The following LRP1B variants were observed in gnomAD, a reference collection of about 807,000 sequenced individuals.
LRP1B encodes the protein LDL receptor related protein 1B.
Under a neutral mutation model 556.6 loss-of-function variants are expected in LRP1B, and 217 were observed. That is an observed-to-expected ratio of 0.39 (90% confidence interval 0.35 to 0.44). The LOEUF (loss-of-function observed/expected upper bound fraction) is 0.44, where lower values mean the gene tolerates loss of function less well. Among genes scored for constraint, LRP1B ranks in the 20% least tolerant of loss-of-function variants. The probability of loss-of-function intolerance (pLI) is 1.00; values close to 1 mark genes in which losing one functional copy is unlikely to be tolerated. For synonymous variants in LRP1B, 2,047 were observed against 1,865.8 expected, an observed-to-expected ratio of 1.10 and a Z score of -2.50; for missense variants, 5,053 against 5,620.8, an observed-to-expected ratio of 0.90 and a Z score of 3.23.
intron 1 of LRP1B, among the ~76,000 whole-genome samples, chr2:142,092,652 T>TG (rs566167395): frequency 0.058 from 8,768 of 150,394 alleles, 292 homozygotes; most frequent in Middle Eastern, 0.093. Flanking sequence ...GTGTGTGTGT[T>TG]TTTGTATGGG....
chr2:140,840,794 CT>C (rs751997628), intron 30 of LRP1B, 123 bp downstream of exon 30: 690 of 645,360 alleles, frequency 1.1e-3, no homozygotes, highest in South Asian at 2.0e-3. Context: ...TCCATATTTA[CT>C]TTTTTTTTAA....
At chr2:141,471,279 T>TG (rs79252041) in intron 3 of LRP1B, among the ~76,000 whole-genome samples, 63,293 of 134,660 alleles carry the variant, frequency 0.47, 14,324 homozygotes, top group Non-Finnish European at 0.51. Flanking sequence ...TTTTTTTTTT[T>TG]TTTTTTTTTT....
chr2:141,911,064 A>G (rs961759798), intron 1 of LRP1B, among the ~76,000 whole-genome samples: 1 of 152,102 alleles, frequency 6.6e-6, no homozygotes, highest in Non-Finnish European at 1.5e-5. Flanking sequence ...AGGAACTGCT[A>G]CTGCTGAATT....
At chr2:141,772,345 C>G (rs1218351514) in intron 2 of LRP1B, among the ~76,000 whole-genome samples, 1 of 152,126 alleles carries the variant, frequency 6.6e-6, no homozygotes, top group Non-Finnish European at 1.5e-5. Context: ...TCCACCAAAA[C>G]AAATATACTT....
intron 6 of LRP1B, among the ~76,000 whole-genome samples, chr2:141,203,878 C>T (rs1262709078): frequency 6.6e-6 from 1 of 152,174 alleles, no homozygotes; most frequent in Non-Finnish European, 1.5e-5. Flanking sequence ...TTAAGAAACT[C>T]ACTCAAAACC....
chr2:141,977,826 G>A (rs1364378618), intron 1 of LRP1B, among the ~76,000 whole-genome samples: 1 of 152,050 alleles, frequency 6.6e-6, no homozygotes, highest in African/African-American at 2.4e-5. Flanking sequence ...TTCTCAACTT[G>A]AATGCCATAT....
intron 2 of LRP1B, among the ~76,000 whole-genome samples, chr2:141,584,291 GA>G (rs992342038): frequency 6.6e-6 from 1 of 152,002 alleles, no homozygotes; most frequent in Admixed American, 6.6e-5. Context: ...TACCATCTAG[GA>G]AAGAGCTGAG....
At chr2:141,398,266 A>G (rs1690317529) in intron 3 of LRP1B, among the ~76,000 whole-genome samples, 1 of 152,208 alleles carries the variant, frequency 6.6e-6, no homozygotes, top group Admixed American at 6.5e-5. Flanking sequence ...ATCTGATGTC[A>G]GTTGTAAAAG....
At chr2:140,733,203 A>G (rs1687834845) in intron 35 of LRP1B, among the ~76,000 whole-genome samples, 1 of 152,154 alleles carries the variant, frequency 6.6e-6, no homozygotes, top group African/African-American at 2.4e-5. Context: ...CTTCCCTCCA[A>G]CTTAAATTTA....
intron 18 of LRP1B, among the ~76,000 whole-genome samples, chr2:140,967,658 A>G (rs528871841): frequency 1.4e-3 from 210 of 151,744 alleles, no homozygotes; most frequent in African/African-American, 4.9e-3. Flanking sequence ...CCCATTCAGT[A>G]TGATATTGGC....
intron 18 of LRP1B, among the ~76,000 whole-genome samples, chr2:140,975,323 C>G (rs1270757115): frequency 1.3e-5 from 2 of 152,188 alleles, no homozygotes; most frequent in Non-Finnish European, 2.9e-5. Context: ...AGACTCAAAC[C>G]TCTCTGAAGA....
At chr2:141,508,977 C>G (rs1684027854) in intron 2 of LRP1B, among the ~76,000 whole-genome samples, 1 of 152,026 alleles carries the variant, frequency 6.6e-6, no homozygotes. Context: ...CAGTGAGACA[C>G]AGAGCATATT....
chr2:141,108,348 T>C (rs774515127), intron 7 of LRP1B, among the ~76,000 whole-genome samples: 9,622 of 129,792 alleles, frequency 0.074, 441 homozygotes, highest in South Asian at 0.15. Flanking sequence ...TTTTTTTTTT[T>C]TTTTTTTTTT....
At chr2:141,300,581 G>C (rs1456136000) in intron 3 of LRP1B, among the ~76,000 whole-genome samples, 1 of 152,156 alleles carries the variant, frequency 6.6e-6, no homozygotes, top group Non-Finnish European at 1.5e-5. Context: ...TCATTGGGGT[G>C]GTTTCTCATG....
chr2:140,750,346 A>ATTCCTCCCATTTGTATAACAAATGTAT (rs1688533052), intron 35 of LRP1B, among the ~76,000 whole-genome samples: 1 of 152,200 alleles, frequency 6.6e-6, no homozygotes, highest in South Asian at 2.1e-4. Context: ...ATCTGACTAT[A>ATTCCTCCCATTTGTATAACAAATGTAT]AACAAATGTA....
At chr2:142,105,716 T>C (rs1446018732) in intron 1 of LRP1B, among the ~76,000 whole-genome samples, 1 of 152,196 alleles carries the variant, frequency 6.6e-6, no homozygotes, top group East Asian at 1.9e-4. Flanking sequence ...GAAAACTTCT[T>C]CAGGGTCTAG....
At chr2:141,261,275 A>G (rs761625993) in intron 3 of LRP1B, among the ~76,000 whole-genome samples, 18 of 152,152 alleles carry the variant, frequency 1.2e-4, no homozygotes, top group Admixed American at 2.0e-4. Context: ...ACTGGCCTCA[A>G]AGTTTCAGTG....
chr2:141,644,883 C>T (rs1689495318), intron 2 of LRP1B, among the ~76,000 whole-genome samples: 2 of 151,962 alleles, frequency 1.3e-5, no homozygotes, highest in African/African-American at 4.8e-5. Flanking sequence ...AGCATCTTCA[C>T]CCAGCACAAT....
At chr2:140,595,087 AAT>A (rs60138085) in intron 43 of LRP1B, among the ~76,000 whole-genome samples, 10,223 of 98,256 alleles carry the variant, frequency 0.1, 932 homozygotes, top group Non-Finnish European at 0.14. Flanking sequence ...ATATAAATTG[AAT>A]ATATATATAT....
Sources: allele counts gnomAD v4.1 joint callset (sites outside exome capture counted in the v4.1 genomes callset), GRCh38; gene constraint gnomAD v4.1.1; transcripts MANE v1.5; gene names NCBI Gene and HGNC (gene_info 2026-07-23, HGNC 2026-07-21).